CEP112: variants seen among roughly 807,000 people sequenced by gnomAD.
CEP112 encodes centrosomal protein 112, also known as centrosomal protein of 112 kDa.
A neutral mutation model predicts 153.0 loss-of-function variants in CEP112; 127 were observed. The observed-to-expected ratio is 0.83, with a 90% CI of 0.72 to 0.96. The LOEUF is 0.96. CEP112 is among the 40% of genes least tolerant of loss of function. CEP112 has a pLI of 0.00. For synonymous variants in CEP112, 358 were observed against 374.4 expected (o/e 0.96, Z 0.51); for missense variants, 1,089 against 1,101.2 (o/e 0.99, Z 0.16).
chr17:65,951,749 C>CCCCACCCCG (rs71160510), intron 18 of CEP112, among the ~76,000 whole-genome samples: 1 of 106,148 alleles, frequency 9.4e-6, no homozygotes, highest in African/African-American at 3.2e-5. Flanking sequence ...CCCCGCCCCC[C>CCCCACCCCG]CCTTTCTTCC....
chr17:66,067,871 T>C (rs1303400645), intron 9 of CEP112, among the ~76,000 whole-genome samples: 2 of 152,134 alleles, frequency 1.3e-5, no homozygotes, highest in African/African-American at 4.8e-5. Flanking sequence ...TGCACTGGGA[T>C]AGAATATTCT....
chr17:66,167,006 T>C (rs1176269240), intron 4 of CEP112, among the ~76,000 whole-genome samples: 2 of 152,122 alleles, frequency 1.3e-5, no homozygotes, highest in Non-Finnish European at 2.9e-5. Context: ...CCTTCTATCC[T>C]TGAAAAAGAG....
chr17:66,027,960 A>T (rs1433758232), intron 15 of CEP112, among the ~76,000 whole-genome samples: 1 of 137,444 alleles, frequency 7.3e-6, no homozygotes, highest in Non-Finnish European at 1.6e-5. Context: ...AGAGGGAGAG[A>T]GAGAGGCAGA....
At chr17:66,164,260 C>A (rs1568564968) in intron 4 of CEP112, among the ~76,000 whole-genome samples, 1 of 152,060 alleles carries the variant, frequency 6.6e-6, no homozygotes, top group Non-Finnish European at 1.5e-5. Flanking sequence ...AAAAGATTGT[C>A]AAATTAGTCA....
chr17:65,951,604 A>T (rs2061830167), intron 18 of CEP112, among the ~76,000 whole-genome samples: 1 of 151,874 alleles, frequency 6.6e-6, no homozygotes, highest in African/African-American at 2.4e-5. Context: ...GCAATTTCTA[A>T]CTCCTCGTTT....
chr17:65,934,493 A>C, intron 18 of CEP112, among the ~76,000 whole-genome samples: 1 of 152,204 alleles, frequency 6.6e-6, no homozygotes, highest in East Asian at 1.9e-4. Flanking sequence ...GAATCTACAA[A>C]ACAACCAGAA....
At chr17:65,770,025 A>G (rs1381596368) in intron 21 of CEP112, among the ~76,000 whole-genome samples, 2 of 152,022 alleles carry the variant, frequency 1.3e-5, no homozygotes, top group African/African-American at 2.4e-5. Flanking sequence ...ATCATCTAAC[A>G]TATGTGTAGT....
rs1477777997 is a variant in CEP112, at chr17:65,656,840, T to TTAG, written c.2698-15776_2698-15775insCTA. Among the ~76,000 whole-genome samples the TTAG allele has an allele frequency of 2.6e-5, 4 of 152,324 alleles. No individual in the cohort carries two copies. In the East Asian group the frequency reaches 7.7e-4, roughly 29 times the overall value. On this transcript the variant is annotated intron_variant, in intron 24 of 26. Transcript: ENST00000535342. ...AAATATTTGCTGATGAATGAACGAA[T>TTAG]CACACAGAGCTTACAACCTTTGGTG...
chr17:65,905,460 G>C (rs2060035102), intron 19 of CEP112, among the ~76,000 whole-genome samples: 1 of 152,238 alleles, frequency 6.6e-6, no homozygotes, highest in African/African-American at 2.4e-5. Flanking sequence ...ACAGATGCTA[G>C]AGAGGATGTG....
chr17:65,859,411 G>C (rs1350713069), intron 20 of CEP112, among the ~76,000 whole-genome samples: 1 of 137,046 alleles, frequency 7.3e-6, no homozygotes, highest in Non-Finnish European at 1.5e-5. Context: ...TTGCACTCCA[G>C]CCTGGGTGAC....
At chr17:66,153,190 T>C (rs2071280358) in intron 4 of CEP112, among the ~76,000 whole-genome samples, 1 of 152,072 alleles carries the variant, frequency 6.6e-6, no homozygotes, top group Admixed American at 6.5e-5. Context: ...TAGATATCCA[T>C]CCAAAAGAAA....
intron 12 of CEP112, among the ~76,000 whole-genome samples, chr17:66,031,218 T>C (rs1190611050): frequency 2.6e-5 from 4 of 152,200 alleles, no homozygotes; most frequent in Non-Finnish European, 5.9e-5. Flanking sequence ...AAACACCCTT[T>C]ATGTCCTGCG....
chr17:65,745,985 G>A (rs1041882930), intron 22 of CEP112, among the ~76,000 whole-genome samples: 12 of 151,794 alleles, frequency 7.9e-5, no homozygotes, highest in Admixed American at 3.9e-4. Context: ...CCAACATGGC[G>A]AAACCCCGTC....
At chr17:65,924,507 C>T (rs904369999) in intron 19 of CEP112, among the ~76,000 whole-genome samples, 1 of 152,010 alleles carries the variant, frequency 6.6e-6, no homozygotes, top group Non-Finnish European at 1.5e-5. Context: ...TACATATTCA[C>T]ATGTGCATAT....
rs772428331 is a variant in CEP112 at position 65,961,484 on chromosome 17, G to C, written c.1851C>G (p.Val617=). 2.2e-5 allele frequency: 35 copies of C among 1,610,540 alleles called. No individual in the cohort carries two copies. The highest frequency in any genetic ancestry group is 2.9e-5 in the Non-Finnish European group (34 of 1,177,188). ...TTACCTGCTCTTTCATTTCAGCATAGACTTTCTCTGAGTTCAGTTCCACCT... is the reference window on the plus strand; with the variant it reads ...TTACCTGCTCTTTCATTTCAGCATACACTTTCTCTGAGTTCAGTTCCACCT... ...KRQVELNSEK[V]YAEMKEQMEK... is the part of the protein sequence containing the mutation. Residue 617 remains valine (V), a synonymous_variant, in exon 18 of 27, where the codon GTC becomes GTG. Transcript: ENST00000535342.
chr17:65,907,274 C>G (rs148482161), intron 19 of CEP112, among the ~76,000 whole-genome samples: 1 of 152,184 alleles, frequency 6.6e-6, no homozygotes, highest in East Asian at 1.9e-4. Flanking sequence ...AATGATCATG[C>G]CCATGTTCAA....
At chr17:65,916,450 T>G (rs2060495027) in intron 19 of CEP112, among the ~76,000 whole-genome samples, 1 of 152,162 alleles carries the variant, frequency 6.6e-6, no homozygotes, top group South Asian at 2.1e-4. Flanking sequence ...AATGAATGAT[T>G]GAGAAGGCAT....
At chr17:65,883,741 T>C (rs1292411100) in intron 20 of CEP112, among the ~76,000 whole-genome samples, 4 of 152,160 alleles carry the variant, frequency 2.6e-5, no homozygotes, top group Non-Finnish European at 5.9e-5. Context: ...CCAATGTACA[T>C]TTTGAAAAAG....
chr17:65,879,476 G>C (rs563864041), intron 20 of CEP112, among the ~76,000 whole-genome samples: 1 of 152,132 alleles, frequency 6.6e-6, no homozygotes, highest in Non-Finnish European at 1.5e-5. Flanking sequence ...GTTCTTTCCA[G>C]GTACAAAGCT....
Sources: gnomAD v4.1 joint callset for allele counts (sites outside exome capture counted in the v4.1 genomes callset) on GRCh38, gnomAD v4.1.1 for gene constraint, MANE v1.5 for transcripts, NCBI Gene and HGNC (gene_info 2026-07-23, HGNC 2026-07-21) for gene names.